Variants in EHBP1 observed in about 807,000 individuals in gnomAD.
The protein encoded by EHBP1 is EH domain binding protein 1.
In EHBP1, 55 loss-of-function variants were observed where a neutral mutation model predicts 144.0. That is an observed-to-expected ratio of 0.38 (90% CI 0.31 to 0.48). The LOEUF is 0.48. Among genes scored for constraint, EHBP1 ranks in the 20% least tolerant of loss-of-function variants. The probability of loss-of-function intolerance (pLI) is 0.98; values close to 1 mark genes in which losing one functional copy is unlikely to be tolerated. For missense variants in EHBP1, 1,200 were observed against 1,364.2 expected (o/e 0.88, Z 1.90); for synonymous variants, 469 against 472.7 (o/e 0.99, Z 0.10).
At chr2:63,006,631 A>G (rs1483192866) in intron 19 of EHBP1, among the ~76,000 whole-genome samples, 6 of 151,946 alleles carry the variant, frequency 3.9e-5, no homozygotes, top group Non-Finnish European at 8.8e-5. Flanking sequence ...GTAAAAGTTA[A>G]ATTTTCCATT....
At chr2:62,871,073 T>A (rs565095998) in intron 9 of EHBP1, among the ~76,000 whole-genome samples, 2 of 152,142 alleles carry the variant, frequency 1.3e-5, no homozygotes, top group East Asian at 1.9e-4. Context: ...TTCTTTGAAA[T>A]AGCTAACATG....
chr2:62,987,491 AAT>A (rs1165485559), intron 15 of EHBP1, among the ~76,000 whole-genome samples: 2 of 152,126 alleles, frequency 1.3e-5, no homozygotes, highest in Admixed American at 6.5e-5. Context: ...GAAAATGACA[AAT>A]ATATATATGA....
At chr2:62,743,501 T>G (rs1408905729) in intron 2 of EHBP1, among the ~76,000 whole-genome samples, 1 of 152,132 alleles carries the variant, frequency 6.6e-6, no homozygotes, top group African/African-American at 2.4e-5. Flanking sequence ...CATCCTTGTA[T>G]CTCCATTGCT....
intron 7 of EHBP1, among the ~76,000 whole-genome samples, chr2:62,852,366 G>A (rs1184364174): frequency 6.6e-6 from 1 of 152,026 alleles, no homozygotes; most frequent in African/African-American, 2.4e-5. Context: ...TTAGCTGATT[G>A]TGGATGCAAA....
At chr2:62,796,695 C>T (rs1173489616) in intron 5 of EHBP1, among the ~76,000 whole-genome samples, 1 of 152,122 alleles carries the variant, frequency 6.6e-6, no homozygotes, top group African/African-American at 2.4e-5. Flanking sequence ...TTACAAAACA[C>T]TTCCATGTAT....
intron 19 of EHBP1, among the ~76,000 whole-genome samples, chr2:63,014,366 T>G (rs778966134): frequency 6.6e-6 from 1 of 152,220 alleles, no homozygotes; most frequent in Non-Finnish European, 1.5e-5. Context: ...ATAAATTCAT[T>G]AACATTAAAA....
chr2:62,699,437 C>T (rs1024547245), intron 1 of EHBP1, among the ~76,000 whole-genome samples: 4 of 152,192 alleles, frequency 2.6e-5, no homozygotes, highest in Non-Finnish European at 4.4e-5. Context: ...ATCTTTGCTG[C>T]TATAATCCCA....
chr2:62,937,950 A>T (rs2056491673), intron 10 of EHBP1, among the ~76,000 whole-genome samples: 1 of 152,174 alleles, frequency 6.6e-6, no homozygotes, highest in Non-Finnish European at 1.5e-5. Flanking sequence ...TTGGAAGAAG[A>T]AAGACCTATT....
At chr2:62,897,437 G>A (rs765266848) in intron 10 of EHBP1, among the ~76,000 whole-genome samples, 23 of 152,144 alleles carry the variant, frequency 1.5e-4, no homozygotes, top group Non-Finnish European at 1.5e-5. Context: ...TTTCATATAT[G>A]TTGGATAAAT....
intron 14 of EHBP1, among the ~76,000 whole-genome samples, chr2:62,961,563 A>C (rs778262020): frequency 3.3e-5 from 5 of 152,160 alleles, no homozygotes; most frequent in Non-Finnish European, 5.9e-5. Flanking sequence ...TGATTTTTTT[A>C]AGTACAACTC....
intron 9 of EHBP1, among the ~76,000 whole-genome samples, chr2:62,871,817 G>A (rs554971886): frequency 1.3e-5 from 2 of 152,244 alleles, no homozygotes; most frequent in African/African-American, 2.4e-5. Flanking sequence ...CTTTTAGGAC[G>A]TGTCCTTTAC....
intron 5 of EHBP1, among the ~76,000 whole-genome samples, chr2:62,821,944 T>C (rs1268918957): frequency 6.6e-6 from 1 of 152,140 alleles, no homozygotes; most frequent in South Asian, 2.1e-4. Flanking sequence ...AAATGTGGTG[T>C]CTTTCCCCTC....
intron 10 of EHBP1, among the ~76,000 whole-genome samples, chr2:62,905,069 G>T (rs1306687258): frequency 6.6e-6 from 1 of 152,168 alleles, no homozygotes; most frequent in Admixed American, 6.5e-5. Flanking sequence ...TTCTATGAAG[G>T]TGATGTTTAA....
chr2:62,807,188 T>C (rs143204150), intron 5 of EHBP1, among the ~76,000 whole-genome samples: 200 of 152,350 alleles, frequency 1.3e-3, no homozygotes, highest in Non-Finnish European at 1.2e-3. Context: ...CGCATAACAA[T>C]ACGTGATCTA....
rs781132111 is a variant in EHBP1 at position 62,759,316 on chromosome 2, CTACT to C, written c.163-4947_163-4944del. Reference sequence around the variant, plus strand: ...AATGGCTGTATGTGTGTTCCTGTGCCTACTTATTTTATAGGGAAATCCTTTCTAT... The same window carrying C: ...AATGGCTGTATGTGTGTTCCTGTGCCTATTTTATAGGGAAATCCTTTCTAT... On this transcript the variant is annotated intron_variant, in intron 3 of 22. Coordinates refer to ENST00000431489, the MANE Select transcript of EHBP1 (RefSeq NM_001142616.3). Among the ~76,000 whole-genome samples the C allele has an allele frequency of 2.3e-3, 350 of 152,270 alleles. 2 individuals are homozygous for C. Among genetic ancestry groups the C allele is most frequent in the Non-Finnish European group, 3.4e-3 (234 of 68,012 alleles).
chr2:62,946,703 G>A (rs761401744), intron 12 of EHBP1, among the ~76,000 whole-genome samples: 8 of 152,086 alleles, frequency 5.3e-5, no homozygotes, highest in Non-Finnish European at 8.8e-5. Flanking sequence ...CACACAAACA[G>A]GTGAAAAACA....
chr2:62,928,261 C>T (rs893935785), intron 10 of EHBP1, among the ~76,000 whole-genome samples: 21 of 152,168 alleles, frequency 1.4e-4, no homozygotes, highest in African/African-American at 5.1e-4. Context: ...CTCCAGCCCT[C>T]ATGCTTTATC....
At chr2:62,911,433 C>T (rs1238621690) in intron 10 of EHBP1, among the ~76,000 whole-genome samples, 1 of 151,936 alleles carries the variant, frequency 6.6e-6, no homozygotes, top group Non-Finnish European at 1.5e-5. Context: ...ATTTTTTTAA[C>T]TTTCCTGTCC....
rs114475144 is a variant in EHBP1 at position 62,795,626 on chromosome 2, A to G, written c.312+24234A>G. Among the ~76,000 whole-genome samples the G allele has an allele frequency of 7.6e-3, 1,160 of 151,934 alleles. 18 individuals are homozygous for G. Among genetic ancestry groups the G allele is most frequent in the African/African-American group, 0.026 (1,092 of 41,392 alleles). ...TATGCTTGCTCTCTGATTCCTTTCC[A>G]TTTTTTCCCTTGTTAATAATATTTG... On this transcript the variant is annotated intron_variant, in intron 5 of 22. Coordinates refer to ENST00000431489, the MANE Select transcript of EHBP1 (RefSeq NM_001142616.3).
Sources: gnomAD v4.1 joint callset for allele counts (sites outside exome capture counted in the v4.1 genomes callset) on GRCh38, gnomAD v4.1.1 for gene constraint, MANE v1.5 for transcripts, NCBI Gene and HGNC (gene_info 2026-07-23, HGNC 2026-07-21) for gene names.